MYT1L: variants seen among roughly 807,000 people sequenced by gnomAD.
MYT1L encodes the protein myelin transcription factor 1 like, also known as myelin transcription factor 1-like protein.
In MYT1L, 12 loss-of-function variants were observed where a neutral mutation model predicts 126.7. That is an observed-to-expected ratio of 0.09 (90% confidence interval 0.06 to 0.15). The LOEUF is 0.15. MYT1L is among the 10% of genes least tolerant of loss of function. The pLI is 1.00. For synonymous variants in MYT1L, 541 were observed against 604.2 expected (o/e 0.90, Z 1.53); for missense variants, 979 against 1,585.2 (o/e 0.62, Z 6.49).
rs898038962 is a variant in MYT1L at position 1,852,178 on chromosome 2, C to T, written c.2712-475G>A. Among the ~76,000 whole-genome samples, 4 of 152,158 alleles carry T rather than the reference C, an allele frequency of 2.6e-5. No individual in the cohort carries two copies. The highest frequency in any genetic ancestry group is 1.3e-4 in the Admixed American group (2 of 15,282). On this transcript the variant is annotated intron_variant, in intron 18 of 24. Transcript: ENST00000647738. The surrounding 1 kb of genome is among the most constrained non-coding windows in gnomAD (Gnocchi z 4.0). ...CAAAGGCACCCCTTCCACAGACTGG[C>T]CAGGGCTGCGGCCAGCCTGGGTGGT...
intron 9 of MYT1L, among the ~76,000 whole-genome samples, chr2:1,941,184 A>AT (rs1573799545): frequency 6.6e-6 from 1 of 152,226 alleles, no homozygotes; most frequent in African/African-American, 2.4e-5. Flanking sequence ...CTAAAATTGA[A>AT]TTTTTAATTC....
intron 8 of MYT1L, among the ~76,000 whole-genome samples, chr2:1,948,536 G>T (rs866789441): frequency 2.0e-5 from 3 of 152,216 alleles, no homozygotes; most frequent in Non-Finnish European, 4.4e-5. Context: ...TCAAATGGAG[G>T]CCTTGGAAAG....
rs370718839 is a variant in MYT1L, at chr2:1,998,184, C to T, written c.-157-837G>A. Among the ~76,000 whole-genome samples, 6 of 152,302 alleles carry T rather than the reference C, an allele frequency of 3.9e-5. 1 individual carries two copies. The East Asian group carries it at 7.7e-4, about 20-fold the overall frequency. On this transcript the variant is annotated intron_variant, in intron 4 of 24. Coordinates refer to ENST00000647738, the MANE Select transcript of MYT1L (RefSeq NM_001303052.2). Reference sequence around the variant, plus strand: ...TGGATAATTGTCCCCTTATGATTTCCATTCCAAAGGATTCAGTGCTTCTTG... The same window carrying T: ...TGGATAATTGTCCCCTTATGATTTCTATTCCAAAGGATTCAGTGCTTCTTG...
chr2:2,317,945 A>G (rs912633463), intron 1 of MYT1L, among the ~76,000 whole-genome samples: 1 of 152,192 alleles, frequency 6.6e-6, no homozygotes, highest in South Asian at 2.1e-4. Context: ...CCCAAGCCAC[A>G]TGCTCCCCAG....
intron 2 of MYT1L, among the ~76,000 whole-genome samples, chr2:2,262,482 G>T (rs1327554510): frequency 6.6e-6 from 1 of 151,976 alleles, no homozygotes; most frequent in Non-Finnish European, 1.5e-5. Context: ...CACAAGGTCA[G>T]GAGGTCGAGA....
intron 21 of MYT1L, among the ~76,000 whole-genome samples, chr2:1,817,572 T>C (rs2037866213): frequency 6.6e-6 from 1 of 152,244 alleles, no homozygotes; most frequent in South Asian, 2.1e-4. Flanking sequence ...GCTGTGTCGG[T>C]GCTGCCAATT....
intron 3 of MYT1L, among the ~76,000 whole-genome samples, chr2:2,099,378 G>T (rs892558874): frequency 4.0e-5 from 6 of 151,268 alleles, no homozygotes; most frequent in African/African-American, 1.5e-4. Flanking sequence ...AAAATGGGCT[G>T]ATAGAAAATT....
intron 18 of MYT1L, among the ~76,000 whole-genome samples, chr2:1,883,687 C>T (rs2047849078): frequency 6.6e-6 from 1 of 152,142 alleles, no homozygotes; most frequent in African/African-American, 2.4e-5. Flanking sequence ...AACTCCACCT[C>T]AAAGCATCGA....
Position 1,892,453 on chromosome 2 carries a change from AAAC to A in MYT1L, c.2033-169_2033-167del, listed in dbSNP as rs778475168. On this transcript the variant is annotated intron_variant, in intron 14 of 24. Transcript: ENST00000647738. ...AAGAAAACAAACAACAGGCAAACGA[AAAC>A]AAAACAAAACTTTCCGGCTCCTTTC... Among the ~76,000 whole-genome samples, 42 of 152,228 alleles carry A rather than the reference AAAC, an allele frequency of 2.8e-4. No homozygotes were observed. The East Asian group carries it at 3.1e-3, about 11-fold the overall frequency.
intron 3 of MYT1L, among the ~76,000 whole-genome samples, chr2:2,094,661 C>A (rs1427850173): frequency 6.6e-6 from 1 of 151,186 alleles, no homozygotes; most frequent in African/African-American, 2.4e-5. Context: ...TCTCAGCAAA[C>A]TATCACAAGG....
At chr2:2,221,684 G>A (rs1387781195) in intron 2 of MYT1L, among the ~76,000 whole-genome samples, 1 of 152,192 alleles carries the variant, frequency 6.6e-6, no homozygotes, top group African/African-American at 2.4e-5. Flanking sequence ...GGCTTTTGAA[G>A]TCCAAGTTGC....
chr2:2,153,469 C>T (rs769944327), intron 3 of MYT1L, among the ~76,000 whole-genome samples: 10 of 151,986 alleles, frequency 6.6e-5, no homozygotes, highest in Non-Finnish European at 1.3e-4. Context: ...GTTGTTTAGA[C>T]GTGAGACTGG....
At chr2:2,142,843 T>C (rs1575458915) in intron 3 of MYT1L, among the ~76,000 whole-genome samples, 2 of 151,856 alleles carry the variant, frequency 1.3e-5, no homozygotes, top group East Asian at 4.0e-4. Context: ...CGCACCACCA[T>C]GCCTGGCTAA....
At chr2:2,067,502 G>A (rs2074027051) in intron 3 of MYT1L, among the ~76,000 whole-genome samples, 1 of 152,156 alleles carries the variant, frequency 6.6e-6, no homozygotes. Context: ...AGGGCAGAAG[G>A]ATTGTTTGAG....
chr2:1,816,964 G>A (rs904668816), intron 21 of MYT1L: 1 of 152,244 alleles, frequency 6.6e-6, no homozygotes, highest in African/African-American at 2.4e-5. Context: ...CCGTGCTCCA[G>A]AGGGGCTGCA....
At chr2:2,185,904 CCGGGCCTTCCCAAGT>C (rs1559271589) in intron 2 of MYT1L, among the ~76,000 whole-genome samples, 20 of 126,012 alleles carry the variant, frequency 1.6e-4, no homozygotes, top group African/African-American at 6.2e-4. Context: ...GCCGGGCCTT[CCGGGCCTTCCCAAGT>C]CCCGCGTTCC....
chr2:2,137,081 C>A (rs1369125371), intron 3 of MYT1L, among the ~76,000 whole-genome samples: 1 of 152,114 alleles, frequency 6.6e-6, no homozygotes, highest in Non-Finnish European at 1.5e-5. Context: ...AGTGAACTCC[C>A]ATTCACAATT....
chr2:2,141,895 C>T (rs955835893), intron 3 of MYT1L, among the ~76,000 whole-genome samples: 5 of 152,018 alleles, frequency 3.3e-5, no homozygotes, highest in East Asian at 1.9e-4. Context: ...GTAGGGAGAC[C>T]GACTCAGTCA....
At chr2:2,096,714 G>T (rs1026911864) in intron 3 of MYT1L, among the ~76,000 whole-genome samples, 4 of 152,136 alleles carry the variant, frequency 2.6e-5, no homozygotes, top group African/African-American at 9.7e-5. Context: ...AGAGTGTGGA[G>T]TTATCCTACC....
Sources: gnomAD v4.1 joint callset for allele counts (sites outside exome capture counted in the v4.1 genomes callset) on GRCh38, gnomAD v4.1.1 for gene constraint, Gnocchi (gnomAD v3.1) non-coding constraint, MANE v1.5 for transcripts, NCBI Gene and HGNC (gene_info 2026-07-23, HGNC 2026-07-21) for gene names.